Variants in GPHN observed in about 807,000 individuals in gnomAD.
GPHN encodes the protein gephyrin.
Under a neutral mutation model 95.5 loss-of-function variants are expected in GPHN, and 17 were observed. The ratio of observed to expected loss-of-function variants is 0.18; its 90% CI spans 0.12 to 0.27. The LOEUF (loss-of-function observed/expected upper bound fraction) is 0.27. Among genes scored for constraint, GPHN ranks in the 10% least tolerant of loss-of-function variants. The pLI, the probability that GPHN is intolerant of heterozygous loss-of-function variation, is 1.00. For synonymous variants in GPHN, 320 were observed against 322.5 expected (o/e 0.99, Z 0.08); for missense variants, 660 against 978.1 (o/e 0.67, Z 4.34).
chr14:66,873,142 G>T (rs2063513811), intron 4 of GPHN, among the ~76,000 whole-genome samples: 1 of 152,170 alleles, frequency 6.6e-6, no homozygotes, highest in Admixed American at 6.5e-5. Context: ...CTGAAGCAGG[G>T]TGAGGCATTG....
At chr14:67,421,497 C>T in the GPHN span, among the ~76,000 whole-genome samples, 2 of 152,132 alleles carry the variant, frequency 1.3e-5, no homozygotes, top group Non-Finnish European at 2.9e-5. Context: ...ACCAGACACC[C>T]AGGCCAGGGC....
chr14:67,626,924 G>A, the GPHN span, among the ~76,000 whole-genome samples: 138 of 152,224 alleles, frequency 9.1e-4, no homozygotes, highest in Non-Finnish European at 1.3e-3. Context: ...GCTACAACAT[G>A]GATGAACCTA....
At chr14:67,691,314 C>A in the GPHN span, 1 of 1,003,902 alleles carries the variant, frequency 1.0e-6, no homozygotes, top group South Asian at 1.3e-5. Flanking sequence ...AGCTGCCTCA[C>A]GCTCAGGCTT....
chr14:67,693,651 C>CT, the GPHN span, among the ~76,000 whole-genome samples: 9,916 of 142,248 alleles, frequency 0.07, 635 homozygotes, highest in South Asian at 0.24. Flanking sequence ...TTCTCTTTCT[C>CT]TTTTTTTTTT....
chr14:67,098,393 G>A (rs1371258339), intron 12 of GPHN, among the ~76,000 whole-genome samples: 1 of 152,138 alleles, frequency 6.6e-6, no homozygotes, highest in Non-Finnish European at 1.5e-5. Flanking sequence ...AAAACTGAAG[G>A]TGAGAGAGGT....
chr14:66,962,331 G>GTT lies in GPHN; in HGVS notation c.829-2856_829-2855dup, dbSNP rs540551730. Among the ~76,000 whole-genome samples the GTT allele has an allele frequency of 2.2e-4, 32 of 148,374 alleles. 1 individual carries two copies. The highest frequency in any genetic ancestry group is 8.0e-4 in the African/African-American group (32 of 40,102). Reference sequence around the variant, plus strand: ...TAAGTCTGTATCTCCAGCATAGGCAGTTTTTGTTTTTTTTTTTAAGATTGG... The same window carrying GTT: ...TAAGTCTGTATCTCCAGCATAGGCAGTTTTTTTGTTTTTTTTTTTAAGATTGG... On this transcript the variant is annotated intron_variant, in intron 8 of 22. Coordinates refer to ENST00000478722, the MANE Select transcript of GPHN (RefSeq NM_020806.5).
chr14:66,520,990 A>G (rs932306081), intron 1 of GPHN, among the ~76,000 whole-genome samples: 2 of 152,088 alleles, frequency 1.3e-5, no homozygotes, highest in African/African-American at 2.4e-5. Context: ...TGCTGAGGAT[A>G]ATGACCTCCA....
chr14:67,317,258 T>C, the GPHN span: 1 of 629,660 alleles, frequency 1.6e-6, no homozygotes, highest in African/African-American at 1.9e-5. Context: ...AGGCCAGGAG[T>C]TCAAGACAAG....
the GPHN span, among the ~76,000 whole-genome samples, chr14:67,214,806 T>C: frequency 5.9e-5 from 9 of 152,310 alleles, no homozygotes; most frequent in East Asian, 1.7e-3. Context: ...GAGCATGGAA[T>C]GTTCTTCCAT....
chr14:66,994,211 C>A (rs1594758698), intron 9 of GPHN, among the ~76,000 whole-genome samples: 1 of 152,016 alleles, frequency 6.6e-6, no homozygotes, highest in East Asian at 1.9e-4. Flanking sequence ...ACTAAAAATA[C>A]AAAAATTAGC....
intron 1 of GPHN, among the ~76,000 whole-genome samples, chr14:66,584,860 G>C (rs1018624767): frequency 2.0e-5 from 3 of 152,036 alleles, no homozygotes; most frequent in Non-Finnish European, 4.4e-5. Context: ...TTTTTTGGTT[G>C]TGTCTCTGCC....
At chr14:67,516,078 A>G in the GPHN span, among the ~76,000 whole-genome samples, 1 of 152,212 alleles carries the variant, frequency 6.6e-6, no homozygotes, top group Non-Finnish European at 1.5e-5. Context: ...TGGAAATTCC[A>G]CAATACCGAA....
chr14:66,553,564 T>A (rs950802032), intron 1 of GPHN, among the ~76,000 whole-genome samples: 18 of 152,060 alleles, frequency 1.2e-4, no homozygotes, highest in African/African-American at 3.9e-4. Flanking sequence ...TCCAATAATA[T>A]TTTAATTTTA....
the GPHN span, among the ~76,000 whole-genome samples, chr14:67,439,676 G>A: frequency 3.3e-5 from 5 of 151,640 alleles, no homozygotes; most frequent in African/African-American, 1.2e-4. Flanking sequence ...CCTGTCTACA[G>A]TGATGTTTTC....
chr14:66,723,639 T>C (rs982893206), intron 2 of GPHN, among the ~76,000 whole-genome samples: 21 of 152,122 alleles, frequency 1.4e-4, no homozygotes, highest in African/African-American at 4.8e-4. Flanking sequence ...TTAGGTTGCA[T>C]TTATAGTTTT....
chr14:67,697,203 AGTAAT>A, the GPHN span, among the ~76,000 whole-genome samples: 5 of 152,254 alleles, frequency 3.3e-5, no homozygotes, highest in Non-Finnish European at 5.9e-5. Flanking sequence ...ACCTTAAATA[AGTAAT>A]CACTGTAAAT....
chr14:67,425,163 C>G, the GPHN span, among the ~76,000 whole-genome samples: 1 of 152,126 alleles, frequency 6.6e-6, no homozygotes, highest in Admixed American at 6.5e-5. Context: ...CAGCTCACTA[C>G]AGCCTCAAAC....
chr14:67,587,365 T>C, the GPHN span: 3 of 1,089,020 alleles, frequency 2.8e-6, no homozygotes, highest in Non-Finnish European at 4.2e-6. Context: ...ATGTGTATTT[T>C]AGTCTCTGTG....
chr14:66,709,288 A>G (rs1218744945), intron 2 of GPHN: 3 of 455,258 alleles, frequency 6.6e-6, no homozygotes, highest in Admixed American at 2.4e-5. Context: ...TATTAGATTG[A>G]AAGCACCCTG....
Sources: gnomAD v4.1 joint callset for allele counts (sites outside exome capture counted in the v4.1 genomes callset) on GRCh38, gnomAD v4.1.1 for gene constraint, MANE v1.5 for transcripts, NCBI Gene and HGNC (gene_info 2026-07-23, HGNC 2026-07-21) for gene names.